Variants in MACF1 observed in about 807,000 individuals in gnomAD.
The protein encoded by MACF1 is microtubule-actin cross-linking factor 1.
A neutral mutation model predicts 854.8 loss-of-function variants in MACF1; 193 were observed. The observed-to-expected ratio is 0.23, with a 90% confidence interval of 0.20 to 0.25. The LOEUF (loss-of-function observed/expected upper bound fraction) is 0.25, where lower values mean the gene tolerates loss of function less well. Ranked by LOEUF, MACF1 falls within the 10% of genes least tolerant of loss-of-function variation. MACF1 has a pLI of 1.00. For synonymous variants in MACF1, 3,185 were observed against 3,226.7 expected (o/e 0.99, Z 0.44); for missense variants, 7,722 against 8,929.1 (o/e 0.86, Z 5.45).
At chr1:39,248,633 C>T (rs1311036290) in intron 2 of MACF1, among the ~76,000 whole-genome samples, 1 of 152,178 alleles carries the variant, frequency 6.6e-6, no homozygotes, top group Admixed American at 6.5e-5. Context: ...TCTACTACTT[C>T]TGAAAGTAGC....
In MACF1 at chr1:39,427,531, T is replaced by C. The variant is rs754278192; in HGVS notation, c.16393T>C (p.Ser5465Pro). The C allele has an allele frequency of 3.1e-6, 5 of 1,614,044 alleles. No homozygotes were observed. The highest frequency in any genetic ancestry group is 3.3e-5 in the Admixed American group (2 of 60,004). The part of the protein sequence containing the change: ...ETAEPISDFL[S>P]VTEKKLANSE... ...AGCTGAGCCTATTTCTGACTTCTTATCTGTCACAGAGAAAAAGCTTGCTAA... is the reference window on the plus strand; with the variant it reads ...AGCTGAGCCTATTTCTGACTTCTTACCTGTCACAGAGAAAAAGCTTGCTAA... Residue 5465 changes from serine to proline, a missense_variant, in exon 62 of 101, where the codon TCT becomes CCT. This residue lies in a region of MACF1 where 2,807 missense variants were observed against 3,235.8 expected (regional missense o/e 0.87). Transcript: ENST00000564288.
At chr1:39,485,430 G>A (rs1371966597) in intron 100 of MACF1, 108 bp from the exon 101 acceptor site, 2 of 1,284,468 alleles carry the variant, frequency 1.6e-6, no homozygotes, top group African/African-American at 3.0e-5. Context: ...CAGAAAGGCT[G>A]TGAGATTTGC....
intron 6 of MACF1, among the ~76,000 whole-genome samples, chr1:39,264,896 G>A (rs919276916): frequency 2.0e-5 from 3 of 151,320 alleles, no homozygotes; most frequent in Admixed American, 6.6e-5. Context: ...GGATGGTCTC[G>A]ATCTCCTGAC....
intron 70 of MACF1, chr1:39,436,334 T>C (rs1453229646): frequency 2.7e-6 from 2 of 754,536 alleles, no homozygotes; most frequent in Non-Finnish European, 4.7e-6. Context: ...TTGGTTAATA[T>C]TTGTACTTAC....
rs1488235546 is a variant in MACF1, at chr1:39,441,212, T to C, written c.18571-12T>C. On this transcript the variant is annotated splice_polypyrimidine_tract_variant and intron_variant, in intron 73 of 100. Transcript: ENST00000564288. ...ATTGATTGAAGAATCTGATTGAATG[T>C]TTTTCCCCTAGATGAATAATGCTTG... The C allele has an allele frequency of 1.2e-6, 2 of 1,613,666 alleles. No individual in the cohort carries two copies.
intron 89 of MACF1, chr1:39,457,620 G>T (rs752314400): frequency 5.2e-5 from 8 of 152,650 alleles, no homozygotes; most frequent in Non-Finnish European, 1.0e-4. Flanking sequence ...GAAGCCTTTC[G>T]TGATCTGTCT....
chr1:39,128,694 G>A (rs572947483), intron 2 of MACF1, among the ~76,000 whole-genome samples: 5 of 150,402 alleles, frequency 3.3e-5, no homozygotes, highest in Admixed American at 6.6e-5. Flanking sequence ...GTGAGACTCC[G>A]TCTCAAAAAA....
At chr1:39,231,106 G>A in intron 1 of MACF1, 76 bp from the exon 2 acceptor site, 2 of 1,062,670 alleles carry the variant, frequency 1.9e-6, no homozygotes, top group Non-Finnish European at 2.9e-6. Flanking sequence ...AAACAGAGAT[G>A]TGGGCAGGGC....
At chr1:39,254,134 G>C (rs1038911693) in intron 4 of MACF1, 164 bp from the exon 5 acceptor site, 5 of 609,522 alleles carry the variant, frequency 8.2e-6, no homozygotes, top group Admixed American at 2.8e-5. Context: ...GTCGAAACAC[G>C]TACAGGCCTG....
chr1:39,316,636 T>A, intron 28 of MACF1, 107 bp downstream of exon 28: 1 of 1,079,372 alleles, frequency 9.3e-7, no homozygotes, highest in Non-Finnish European at 1.3e-6. Flanking sequence ...AATTTGCATT[T>A]GAATAAGGCA....
chr1:39,425,742 T>C (rs941699955), intron 61 of MACF1, among the ~76,000 whole-genome samples: 7 of 152,300 alleles, frequency 4.6e-5, no homozygotes, highest in Non-Finnish European at 4.4e-5. Context: ...CCTTTATTCC[T>C]CAATCATGGA....
intron 99 of MACF1, among the ~76,000 whole-genome samples, chr1:39,483,438 G>C (rs1188875052): frequency 6.6e-6 from 1 of 152,208 alleles, no homozygotes; most frequent in Non-Finnish European, 1.5e-5. Context: ...AGCCACACGT[G>C]TATCTGGGGT....
intron 2 of MACF1, among the ~76,000 whole-genome samples, chr1:39,155,987 ACAC>A (rs1356457839): frequency 2.6e-5 from 4 of 151,956 alleles, no homozygotes; most frequent in African/African-American, 9.7e-5. Context: ...TCCCGGGTTC[ACAC>A]CATTCTCCTG....
At chr1:39,237,255 C>T in intron 2 of MACF1, among the ~76,000 whole-genome samples, 1 of 152,202 alleles carries the variant, frequency 6.6e-6, no homozygotes, top group East Asian at 1.9e-4. Context: ...CCAGTATCAC[C>T]TTCCTGAGAT....
intron 2 of MACF1, among the ~76,000 whole-genome samples, chr1:39,111,172 G>T (rs1239521850): frequency 1.3e-5 from 2 of 151,964 alleles, no homozygotes; most frequent in East Asian, 3.9e-4. Context: ...TAATTTTCTG[G>T]CCTGGTAAAT....
chr1:39,189,111 C>G (rs1429121999), intron 2 of MACF1, among the ~76,000 whole-genome samples: 1 of 152,216 alleles, frequency 6.6e-6, no homozygotes, highest in Non-Finnish European at 1.5e-5. Context: ...GGCCTGAAGA[C>G]TTCCAACCAA....
chr1:39,384,451 T>A (rs756015952), intron 56 of MACF1, among the ~76,000 whole-genome samples: 1 of 152,216 alleles, frequency 6.6e-6, no homozygotes, highest in African/African-American at 2.4e-5. Flanking sequence ...GTCCTCATTT[T>A]ACAGATGAGG....
At chr1:39,239,387 CT>C (rs1644896419) in intron 2 of MACF1, among the ~76,000 whole-genome samples, 1 of 152,220 alleles carries the variant, frequency 6.6e-6, no homozygotes, top group Non-Finnish European at 1.5e-5. Context: ...CCCTGATAAC[CT>C]TTTGGGAAAC....
At position 39,434,399 on chromosome 1, in the gene MACF1, T is replaced by C; in HGVS notation, c.17566-15T>C. On this transcript the variant is annotated splice_polypyrimidine_tract_variant and intron_variant, in intron 68 of 100. Coordinates refer to ENST00000564288, the MANE Select transcript of MACF1 (RefSeq NM_001394062.1). The stretch of plus-strand genomic sequence containing the variant: ...GTAATACTTATCCTTTTTTTTTTTT[T>C]TTTTGCTCACATAGGAAAAGACAGA... The C allele has an allele frequency of 1.4e-6, 2 of 1,430,084 alleles. No individual in the cohort carries two copies. The highest frequency in any genetic ancestry group is 1.9e-6 in the Non-Finnish European group (2 of 1,051,162). 88.6% of individuals were successfully genotyped at this position (1,430,084 alleles called of 1,614,324 possible).
Sources: gnomAD v4.1 joint callset for allele counts (sites outside exome capture counted in the v4.1 genomes callset) on GRCh38, gnomAD v4.1.1 for gene constraint, gnomAD v4.1.1 regional missense constraint, MANE v1.5 for transcripts, NCBI Gene and HGNC (gene_info 2026-07-23, HGNC 2026-07-21) for gene names.